The following CMIP variants were observed in gnomAD, a reference collection of about 807,000 sequenced individuals.
CMIP encodes the protein C-Maf-inducing protein.
CMIP carries 13 observed loss-of-function variants against 97.3 expected under a neutral mutation model. The observed-to-expected ratio is 0.13, with a 90% CI of 0.09 to 0.21. The LOEUF (loss-of-function observed/expected upper bound fraction) is 0.21. CMIP is among the 10% of genes least tolerant of loss of function. The probability of loss-of-function intolerance (pLI) is 1.00; values close to 1 mark genes in which losing one functional copy is unlikely to be tolerated. For synonymous variants in CMIP, 538 were observed against 436.3 expected (o/e 1.23, Z -2.91); for missense variants, 847 against 1,024.9 (o/e 0.83, Z 2.37).
intron 1 of CMIP, among the ~76,000 whole-genome samples, chr16:81,505,537 C>G (rs1040043457): frequency 3.3e-5 from 5 of 152,236 alleles, no homozygotes; most frequent in Admixed American, 1.3e-4. Context: ...TTAGTGCTTT[C>G]TTAGTTTGGG....
At chr16:81,696,747 C>T in intron 14 of CMIP, 80 bp downstream of exon 14, 2 of 1,346,970 alleles carry the variant, frequency 1.5e-6, no homozygotes, top group East Asian at 2.4e-5. Flanking sequence ...AGCCGTCCCC[C>T]ATCCCCTGGG....
intron 1 of CMIP, among the ~76,000 whole-genome samples, chr16:81,555,678 G>T (rs903927350): frequency 1.1e-4 from 16 of 152,186 alleles, no homozygotes; most frequent in African/African-American, 3.1e-4. Flanking sequence ...ATCTTCATGG[G>T]TCCCCACCAG....
At chr16:81,709,483 C>A (rs1024348062) in intron 20 of CMIP, among the ~76,000 whole-genome samples, 1 of 152,184 alleles carries the variant, frequency 6.6e-6, no homozygotes, top group Non-Finnish European at 1.5e-5. Context: ...GTGCTTCCAC[C>A]TGCGAAGACA....
chr16:81,533,210 C>T (rs1041562943), intron 1 of CMIP, among the ~76,000 whole-genome samples: 3 of 152,204 alleles, frequency 2.0e-5, no homozygotes, highest in Admixed American at 2.0e-4. Context: ...TTCCATCCCA[C>T]TAGAAAGGCA....
intron 1 of CMIP, among the ~76,000 whole-genome samples, chr16:81,571,058 C>G (rs749031317): frequency 6.6e-6 from 1 of 152,198 alleles, no homozygotes; most frequent in Non-Finnish European, 1.5e-5. Flanking sequence ...ATTCACCACA[C>G]TAATGTCAGA....
intron 1 of CMIP, among the ~76,000 whole-genome samples, chr16:81,601,743 C>G (rs985388420): frequency 9.2e-5 from 14 of 152,248 alleles, no homozygotes; most frequent in African/African-American, 3.4e-4. Context: ...AGGCAGCGTC[C>G]CCCGGGGCCA....
rs1479577414 is a variant in CMIP at position 81,711,523 on chromosome 16, C to G, written c.*1724C>G. ...TTTGGTTTTCTTTTCTTTCCCCCCT[C>G]CGGTCCCATACTTCACAGCACTCTG... is the stretch of plus-strand genomic sequence containing the variant. On this transcript the variant is annotated 3_prime_UTR_variant, in exon 21 of 21. Coordinates refer to ENST00000537098, the MANE Select transcript of CMIP (RefSeq NM_198390.3). The G allele has an allele frequency of 6.6e-6, 1 of 150,506 alleles. No homozygotes were observed. Among genetic ancestry groups the G allele is most frequent in the South Asian group, 2.1e-4 (1 of 4,796 alleles). The allele number at this position is 150,506 out of a possible 1,614,324, so 9.3% of individuals were successfully genotyped here. A position where few individuals can be genotyped will look rare whatever the true frequency, so the allele number is the denominator to read the frequency against.
intron 3 of CMIP, among the ~76,000 whole-genome samples, chr16:81,649,307 G>A (rs193205948): frequency 4.6e-5 from 7 of 152,228 alleles, no homozygotes; most frequent in African/African-American, 9.6e-5. Context: ...TGTCCTCCCC[G>A]CTCCAAGGAG....
At chr16:81,664,963 G>A (rs1480629632) in intron 7 of CMIP, 1 of 153,590 alleles carries the variant, frequency 6.5e-6, no homozygotes, top group Non-Finnish European at 1.4e-5. Flanking sequence ...CAAAGTACCT[G>A]GCCAGTACTC....
At chr16:81,589,483 GTT>G (rs74264889) in intron 1 of CMIP, among the ~76,000 whole-genome samples, 1,808 of 141,392 alleles carry the variant, frequency 0.013, 39 homozygotes, top group African/African-American at 0.044. Flanking sequence ...GCAGACTTGT[GTT>G]TTTTTTTTTT....
intron 1 of CMIP, among the ~76,000 whole-genome samples, chr16:81,578,784 G>C (rs550977250): frequency 6.6e-6 from 1 of 152,330 alleles, no homozygotes; most frequent in South Asian, 2.1e-4. Context: ...CTCCCTTCCT[G>C]CACTGGCGTC....
At chr16:81,553,154 A>G (rs963045478) in intron 1 of CMIP, among the ~76,000 whole-genome samples, 1 of 152,084 alleles carries the variant, frequency 6.6e-6, no homozygotes, top group Non-Finnish European at 1.5e-5. Flanking sequence ...ACTGTTTCTC[A>G]GTCTTCCCTC....
At chr16:81,545,635 C>A (rs1202890122) in intron 1 of CMIP, among the ~76,000 whole-genome samples, 3 of 152,108 alleles carry the variant, frequency 2.0e-5, no homozygotes, top group Admixed American at 2.0e-4. Flanking sequence ...ACGGGGCGGA[C>A]CTGCGATGCT....
chr16:81,703,796 C>T (rs1597275264), intron 17 of CMIP, 143 bp from the exon 18 acceptor site: 2 of 1,154,050 alleles, frequency 1.7e-6, no homozygotes, highest in East Asian at 2.6e-5. Context: ...AGCTGTGCCC[C>T]CATCTCAGCT....
intron 2 of CMIP, among the ~76,000 whole-genome samples, chr16:81,615,755 ATG>A (rs1475029373): frequency 1.3e-5 from 2 of 151,414 alleles, no homozygotes; most frequent in African/African-American, 4.9e-5. Context: ...TGTGTGGTGT[ATG>A]TGTCTTTGTG....
chr16:81,624,705 G>T (rs78890981), intron 3 of CMIP, among the ~76,000 whole-genome samples: 1 of 152,172 alleles, frequency 6.6e-6, no homozygotes, highest in East Asian at 1.9e-4. Flanking sequence ...TTATTCTTGA[G>T]TATTTCTTCC....
intron 13 of CMIP, chr16:81,695,385 CT>C (rs1567668832): frequency 2.0e-5 from 3 of 152,178 alleles, no homozygotes; most frequent in Non-Finnish European, 4.4e-5. Flanking sequence ...TAAGGGAACC[CT>C]TGATATTCTT....
At chr16:81,458,464 G>A (rs1906697479) in intron 1 of CMIP, among the ~76,000 whole-genome samples, 1 of 152,198 alleles carries the variant, frequency 6.6e-6, no homozygotes, top group African/African-American at 2.4e-5. Context: ...CATGACTAGA[G>A]GAGGGGATCC....
chr16:81,503,688 C>T (rs924333491), intron 1 of CMIP, among the ~76,000 whole-genome samples: 1 of 152,226 alleles, frequency 6.6e-6, no homozygotes, highest in African/African-American at 2.4e-5. Flanking sequence ...TGAGCCACCG[C>T]GCCTGGCCTT....
Sources: gnomAD v4.1 joint callset for allele counts (sites outside exome capture counted in the v4.1 genomes callset) on GRCh38, gnomAD v4.1.1 for gene constraint, MANE v1.5 for transcripts, NCBI Gene and HGNC (gene_info 2026-07-23, HGNC 2026-07-21) for gene names.